Variants in EAF2 observed in about 807,000 individuals in gnomAD.
The protein encoded by EAF2 is ELL associated factor 2.
A neutral mutation model predicts 29.4 loss-of-function variants in EAF2; 29 were observed. The observed-to-expected ratio is 0.99, with a 90% CI of 0.73 to 1.35. The LOEUF is 1.35. Ranked by LOEUF, EAF2 falls within the 40% of genes most tolerant of loss-of-function variation. EAF2 has a pLI of 0.00. For synonymous variants in EAF2, 103 were observed against 102.5 expected (o/e 1.00, Z -0.03); for missense variants, 292 against 312.0 (o/e 0.94, Z 0.48).
intron 1 of EAF2, among the ~76,000 whole-genome samples, chr3:121,841,784 C>T (rs1209397160): frequency 1.3e-5 from 2 of 151,010 alleles, no homozygotes; most frequent in Admixed American, 6.6e-5. Flanking sequence ...TCGAGGCGGG[C>T]GGATCACGAG....
intron 1 of EAF2, among the ~76,000 whole-genome samples, chr3:121,844,142 C>T (rs796869331): frequency 6.6e-6 from 1 of 152,070 alleles, no homozygotes; most frequent in South Asian, 2.1e-4. Flanking sequence ...GTTGTGAAAA[C>T]ACTGACATTA....
chr3:121,861,184 G>T (rs182595110), intron 4 of EAF2, among the ~76,000 whole-genome samples: 1 of 152,250 alleles, frequency 6.6e-6, no homozygotes, highest in South Asian at 2.1e-4. Context: ...TGTTTATTAG[G>T]TCCACTTGGT....
At chr3:121,879,794 T>G (rs979162434) in intron 5 of EAF2, among the ~76,000 whole-genome samples, 3 of 152,126 alleles carry the variant, frequency 2.0e-5, no homozygotes, top group African/African-American at 7.2e-5. Flanking sequence ...TTTATGCCAA[T>G]ACCATGCTGT....
At chr3:121,845,780 G>A (rs920961409) in intron 2 of EAF2, among the ~76,000 whole-genome samples, 1 of 134,158 alleles carries the variant, frequency 7.5e-6, no homozygotes, top group Admixed American at 6.9e-5. Flanking sequence ...TAAAAAGAAA[G>A]AGACTGTCAG....
intron 4 of EAF2, among the ~76,000 whole-genome samples, chr3:121,866,103 G>A (rs1302430514): frequency 6.6e-6 from 1 of 151,984 alleles, no homozygotes; most frequent in Non-Finnish European, 1.5e-5. Context: ...AAATTGCCTG[G>A]TTCAGGAAGC....
chr3:121,836,803 T>C (rs771617743), intron 1 of EAF2: 24 of 985,262 alleles, frequency 2.4e-5, no homozygotes, highest in Non-Finnish European at 2.8e-5. Context: ...AGGTATGCAA[T>C]AGTCTTAATA....
intron 4 of EAF2, among the ~76,000 whole-genome samples, chr3:121,860,048 T>C (rs148595369): frequency 7.2e-5 from 11 of 152,366 alleles, no homozygotes; most frequent in Admixed American, 1.3e-4. Flanking sequence ...GATAAGCTTT[T>C]TGATGTGCTG....
At position 121,857,086 on chromosome 3, in the gene EAF2, C is replaced by T. The variant is rs767388256; in HGVS notation, c.414C>T (p.Pro138=). The T allele has an allele frequency of 6.2e-7, 1 of 1,613,708 alleles. No individual in the cohort carries two copies. Among genetic ancestry groups the T allele is most frequent in the South Asian group, 1.1e-5 (1 of 91,074 alleles). The change falls in exon 4 of 6, where the codon CCC becomes CCT. Residue 138 remains proline (P), a synonymous_variant. Coordinates refer to ENST00000273668, the MANE Select transcript of EAF2 (RefSeq NM_018456.6). ...QQQMWNSART[P]NLVKHSPSED... is the part of the protein sequence containing the mutation. ...AAATGTGGAATTCAGCCAGGACTCC[C>T]AATCTTGTAAAACATTCTCCATCTG...
chr3:121,859,937 T>C (rs540895105), intron 4 of EAF2, among the ~76,000 whole-genome samples: 3 of 152,346 alleles, frequency 2.0e-5, no homozygotes, highest in African/African-American at 7.2e-5. Flanking sequence ...AATTGTGTGG[T>C]TTTTGTCATT....
chr3:121,865,647 C>G (rs897317937), intron 4 of EAF2, among the ~76,000 whole-genome samples: 1 of 151,708 alleles, frequency 6.6e-6, no homozygotes. Flanking sequence ...TTTAAGATAG[C>G]AAGACCCCAT....
chr3:121,875,026 G>C (rs1467673576), intron 5 of EAF2, among the ~76,000 whole-genome samples: 1 of 151,788 alleles, frequency 6.6e-6, no homozygotes, highest in African/African-American at 2.4e-5. Flanking sequence ...ATAATATAAT[G>C]AGAACTTTTA....
rs565189398 is a variant in EAF2, at chr3:121,864,738, C to G, written c.484+7582C>G. Among the ~76,000 whole-genome samples, 3 of 152,112 alleles carry G rather than the reference C, an allele frequency of 2.0e-5. No individual in the cohort carries two copies. In the South Asian group the frequency reaches 6.2e-4, roughly 32 times the overall value. On this transcript the variant is annotated intron_variant, in intron 4 of 5. Transcript: ENST00000273668. ...GGCTAAGCTGGGAGGATTACTTGAG[C>G]ATGGGGAGGTCAAGCCTGCAGTGAG... is the stretch of plus-strand genomic sequence containing the variant.
At chr3:121,845,596 A>G (rs1459613365) in intron 2 of EAF2, among the ~76,000 whole-genome samples, 1 of 152,082 alleles carries the variant, frequency 6.6e-6, no homozygotes, top group Non-Finnish European at 1.5e-5. Flanking sequence ...TTAAAAAACC[A>G]TTAGAAGTTT....
At chr3:121,843,457 C>T (rs7649436) in intron 1 of EAF2, among the ~76,000 whole-genome samples, 55,703 of 151,484 alleles carry the variant, frequency 0.37, 10,694 homozygotes, top group African/African-American at 0.42. Flanking sequence ...GAGGGGGCTC[C>T]GTGGAGCTGG....
At chr3:121,878,700 A>G (rs1490273123) in intron 5 of EAF2, among the ~76,000 whole-genome samples, 1 of 152,128 alleles carries the variant, frequency 6.6e-6, no homozygotes, top group East Asian at 1.9e-4. Context: ...AATGACTTCC[A>G]GTTCCATTCA....
chr3:121,849,081 G>A (rs940982955), intron 2 of EAF2, among the ~76,000 whole-genome samples: 5 of 152,110 alleles, frequency 3.3e-5, no homozygotes, highest in Non-Finnish European at 7.4e-5. Flanking sequence ...CTTTTCTTCA[G>A]TGTTCTTAAT....
At chr3:121,881,789 G>T (rs1709194655) in intron 5 of EAF2, among the ~76,000 whole-genome samples, 1 of 152,086 alleles carries the variant, frequency 6.6e-6, no homozygotes, top group South Asian at 2.1e-4. Context: ...GTGATTGCAG[G>T]TGTGAGCCAA....
At chr3:121,882,998 T>C (rs1191584299) in intron 5 of EAF2, among the ~76,000 whole-genome samples, 1 of 152,058 alleles carries the variant, frequency 6.6e-6, no homozygotes, top group African/African-American at 2.4e-5. Flanking sequence ...TCTGTGTACA[T>C]ACATCTTTGA....
chr3:121,840,515 A>AAAAAAAAAAAAAAAAACAAAAAAAC (rs1167466790), intron 1 of EAF2, among the ~76,000 whole-genome samples: 1 of 97,892 alleles, frequency 1.0e-5, no homozygotes, highest in African/African-American at 4.0e-5. Flanking sequence ...AAAAGAAAAA[A>AAAAAAAAAAAAAAAAACAAAAAAAC]AAAAAACGGG....
Sources: allele counts gnomAD v4.1 joint callset (sites outside exome capture counted in the v4.1 genomes callset), GRCh38; gene constraint gnomAD v4.1.1; transcripts MANE v1.5; gene names NCBI Gene and HGNC (gene_info 2026-07-23, HGNC 2026-07-21).